The following CHRNB4 variants were observed in gnomAD, a reference collection of about 807,000 sequenced individuals.
CHRNB4 encodes cholinergic receptor nicotinic beta 4 subunit.
CHRNB4 carries 23 observed loss-of-function variants against 40.4 expected under a neutral mutation model. That is an observed-to-expected ratio of 0.57 (90% CI 0.41 to 0.81). CHRNB4 has a LOEUF of 0.81. Among genes scored for constraint, CHRNB4 ranks in the 30% least tolerant of loss-of-function variants. The probability of loss-of-function intolerance (pLI) is 0.00; values close to 1 mark genes in which losing one functional copy is unlikely to be tolerated. For missense variants in CHRNB4, 568 were observed against 670.6 expected, an observed-to-expected ratio of 0.85 and a Z score of 1.69; for synonymous variants, 285 against 274.4, an observed-to-expected ratio of 1.04 and a Z score of -0.38.
chr15:78,661,126 C>A, upstream of CHRNB4: 1 of 620,484 alleles, frequency 1.6e-6, no homozygotes. Context: ...TTTGGTGTGG[C>A]TGTGCGGCGT....
intron 1 of CHRNB4, among the ~76,000 whole-genome samples, chr15:78,635,791 ACTT>A (rs934117351): frequency 6.6e-6 from 1 of 152,056 alleles, no homozygotes; most frequent in Non-Finnish European, 1.5e-5. Flanking sequence ...CCCATGCCAT[ACTT>A]CTTCCTCCTC....
chr15:78,644,852 G>T (rs918792989), upstream of CHRNB4, among the ~76,000 whole-genome samples: 1 of 152,090 alleles, frequency 6.6e-6, no homozygotes, highest in Non-Finnish European at 1.5e-5. Flanking sequence ...TGCAGACACC[G>T]CTGGTGCCCT....
chr15:78,635,955 T>A (rs1298202848), intron 1 of CHRNB4, among the ~76,000 whole-genome samples: 1 of 152,150 alleles, frequency 6.6e-6, no homozygotes, highest in Non-Finnish European at 1.5e-5. Flanking sequence ...TTGCCCAGGC[T>A]GGAGTGCGGT....
At chr15:78,625,373 C>T (rs777421149) in intron 5 of CHRNB4, 82 bp from the exon 6 acceptor site, 186 of 1,324,566 alleles carry the variant, frequency 1.4e-4, no homozygotes, top group Non-Finnish European at 1.9e-4. Flanking sequence ...TACTCTCTGG[C>T]CAGGGACTCC....
chr15:78,656,197 C>T (rs1412413639), intron 4 of CHRNB4: 1 of 151,912 alleles, frequency 6.6e-6, no homozygotes, highest in Non-Finnish European at 1.5e-5. Context: ...ATTATCTGGG[C>T]ATGGTGGCAC....
Position 78,635,597 on chromosome 15 carries a change from C to T in CHRNB4, c.56-10G>A, listed in dbSNP as rs368894804. The T allele has an allele frequency of 2.5e-6, 4 of 1,613,768 alleles. No homozygotes were observed. The African/African-American group carries it at 4.0e-5, about 16-fold the overall frequency. ...GCCACGCGGCAGTTCCCTGAGAAAA[C>T]ACACAGTCAGACCTGCTGGGCCCTT... On this transcript the variant is annotated splice_polypyrimidine_tract_variant and intron_variant, in intron 1 of 5. Coordinates refer to ENST00000261751, the MANE Select transcript of CHRNB4 (RefSeq NM_000750.5).
intron 2 of CHRNB4, 147 bp downstream of exon 2, chr15:78,635,292 A>G: frequency 1.1e-6 from 1 of 925,568 alleles, no homozygotes; most frequent in Admixed American, 2.9e-5. Flanking sequence ...TATGAACTTC[A>G]TGGACCCTTC....
chr15:78,654,477 A>C (rs375966592), intron 5 of CHRNB4, among the ~76,000 whole-genome samples: 1 of 152,342 alleles, frequency 6.6e-6, no homozygotes, highest in East Asian at 1.9e-4. Flanking sequence ...TCACAGCATC[A>C]TGTGTCCTGG....
intron 1 of CHRNB4, among the ~76,000 whole-genome samples, chr15:78,638,444 G>A (rs1276304486): frequency 6.6e-6 from 1 of 152,256 alleles, no homozygotes; most frequent in Admixed American, 6.5e-5. Context: ...CAAGTCAGAG[G>A]AGGAACCAGG....
chr15:78,630,384 C>T (rs1179727272), intron 4 of CHRNB4, among the ~76,000 whole-genome samples: 6 of 151,990 alleles, frequency 3.9e-5, no homozygotes, highest in African/African-American at 7.3e-5. Context: ...GTGATCCACC[C>T]GCCTCGGCCT....
upstream of CHRNB4, among the ~76,000 whole-genome samples, chr15:78,642,407 T>C (rs1437979231): frequency 6.6e-6 from 1 of 152,154 alleles, no homozygotes; most frequent in African/African-American, 2.4e-5. Flanking sequence ...TGCAAAGTGG[T>C]TGGAGGCTGA....
upstream of CHRNB4, among the ~76,000 whole-genome samples, chr15:78,643,831 T>C (rs1218054079): frequency 6.6e-6 from 1 of 151,916 alleles, no homozygotes; most frequent in African/African-American, 2.4e-5. Flanking sequence ...ACATCAGTAA[T>C]AACAAATTAG....
rs113503352 is a variant in CHRNB4, at chr15:78,625,639, C to T, written c.1339-348G>A. On this transcript the variant is annotated intron_variant, in intron 5 of 5. Coordinates refer to ENST00000261751, the MANE Select transcript of CHRNB4 (RefSeq NM_000750.5). ...GAGATAGGGCCTGAGGATCTCAAAG[C>T]CCCAACTTCTCATTTTTACCCCAAA... Among the ~76,000 whole-genome samples, 1,459 of 152,260 alleles carry T rather than the reference C, an allele frequency of 9.6e-3. 8 individuals carry two copies. Among genetic ancestry groups the T allele is most frequent in the Admixed American group, 0.016 (247 of 15,300 alleles).
At chr15:78,645,998 T>A (rs113606012), upstream of CHRNB4, among the ~76,000 whole-genome samples, 1 of 150,072 alleles carries the variant, frequency 6.7e-6, no homozygotes, top group Admixed American at 6.7e-5. Flanking sequence ...AGGCAGAGAT[T>A]GCAGTGAGCC....
At position 78,624,875 on chromosome 15, in the gene CHRNB4, TG is replaced by T. The variant is rs1385789288; in HGVS notation, c.*257del. 2 of 1,273,670 alleles carry T rather than the reference TG, an allele frequency of 1.6e-6. No individual in the cohort carries two copies. The highest frequency in any genetic ancestry group is 2.1e-6 in the Non-Finnish European group (2 of 950,372). The allele number at this position is 1,273,670 out of a possible 1,614,324, so 78.9% of individuals were successfully genotyped here. A position where few individuals can be genotyped will look rare whatever the true frequency, so the allele number is the denominator to read the frequency against. On this transcript the variant is annotated 3_prime_UTR_variant, in exon 6 of 6. Transcript: ENST00000261751. Reference sequence around the variant, plus strand: ...AGTCATCTTTATCCCCATTGCCCGGTGCAGGGAAGGAAGACAGGCCAGAATT... The same window carrying T: ...AGTCATCTTTATCCCCATTGCCCGGTCAGGGAAGGAAGACAGGCCAGAATT...
chr15:78,649,835 G>T (rs2054156776), intron 6 of CHRNB4, among the ~76,000 whole-genome samples: 1 of 151,598 alleles, frequency 6.6e-6, no homozygotes, highest in Non-Finnish European at 1.5e-5. Context: ...GGAGGTTCTG[G>T]GGGTTTTGTT....
upstream of CHRNB4, chr15:78,661,456 G>C: frequency 3.9e-6 from 2 of 513,844 alleles, no homozygotes; most frequent in South Asian, 3.3e-5. Context: ...CTCATAAACA[G>C]CCTCTTCAGT....
intron 6 of CHRNB4, among the ~76,000 whole-genome samples, chr15:78,649,943 T>C (rs1386928198): frequency 6.6e-6 from 1 of 152,228 alleles, no homozygotes; most frequent in East Asian, 1.9e-4. Context: ...GGATAATGGT[T>C]CCCAGGTGTT....
At chr15:78,645,797 C>A (rs984672889), upstream of CHRNB4, among the ~76,000 whole-genome samples, 1 of 152,020 alleles carries the variant, frequency 6.6e-6, no homozygotes, top group Non-Finnish European at 1.5e-5. Context: ...CGGTGGCTTA[C>A]CCCTGTAATC....
Sources: gnomAD v4.1 joint callset for allele counts (sites outside exome capture counted in the v4.1 genomes callset) on GRCh38, gnomAD v4.1.1 for gene constraint, MANE v1.5 for transcripts, NCBI Gene and HGNC (gene_info 2026-07-23, HGNC 2026-07-21) for gene names.